Variants in ABCA13 observed in about 807,000 individuals in gnomAD.
The protein encoded by ABCA13 is ATP-binding cassette sub-family A member 13.
In ABCA13, 476 loss-of-function variants were observed where a neutral mutation model predicts 478.7. The ratio of observed to expected loss-of-function variants is 0.99; its 90% confidence interval spans 0.92 to 1.07. The LOEUF (loss-of-function observed/expected upper bound fraction) is 1.07, where lower values mean the gene tolerates loss of function less well. Among genes scored for constraint, ABCA13 ranks in the 50% least tolerant of loss-of-function variants. The pLI, the probability that ABCA13 is intolerant of heterozygous loss-of-function variation, is 0.00. For missense variants in ABCA13, 6,060 were observed against 5,910.6 expected, an observed-to-expected ratio of 1.03 and a Z score of -0.83; for synonymous variants, 2,252 against 2,158.9, an observed-to-expected ratio of 1.04 and a Z score of -1.20.
chr7:48,295,913 G>A (rs1440160428), intron 21 of ABCA13, 50 bp downstream of exon 21: 4 of 1,547,032 alleles, frequency 2.6e-6, no homozygotes, highest in African/African-American at 1.4e-5. Flanking sequence ...CATTCATAGA[G>A]AGGATGTCTA....
Position 48,372,317 on chromosome 7 carries a change from C to T in ABCA13, c.10953C>T (p.Phe3651=). Reference sequence around the variant, plus strand: ...CACACAGCAATACCTTTATTGTTTTCCTCTTTCTCTTGGATTTTGGGATGT... The same window carrying T: ...CACACAGCAATACCTTTATTGTTTTTCTCTTTCTCTTGGATTTTGGGATGT... ...IFAHSNTFIV[F]LFLLDFGMSV... is the part of the protein sequence containing the mutation. The change falls in exon 33 of 62, where the codon TTC becomes TTT. Residue 3651 remains phenylalanine (F), a synonymous_variant. Transcript: ENST00000435803. 1 of 1,613,836 alleles carries T rather than the reference C, an allele frequency of 6.2e-7. No individual in the cohort carries two copies.
intron 5 of ABCA13, among the ~76,000 whole-genome samples, chr7:48,223,083 A>G (rs1349586110): frequency 1.3e-5 from 2 of 152,188 alleles, no homozygotes; most frequent in Admixed American, 1.3e-4. Flanking sequence ...TGAGAGAAAG[A>G]GAAGAATCAA....
intron 23 of ABCA13, among the ~76,000 whole-genome samples, chr7:48,307,000 C>T (rs908341964): frequency 2.6e-5 from 4 of 152,078 alleles, no homozygotes; most frequent in Non-Finnish European, 2.9e-5. Flanking sequence ...CCAGGTAGTC[C>T]GCAGATGTGA....
chr7:48,611,058 T>G (rs537772526), intron 58 of ABCA13, among the ~76,000 whole-genome samples: 2 of 152,354 alleles, frequency 1.3e-5, no homozygotes, highest in East Asian at 3.9e-4. Context: ...AGAAAATGTG[T>G]TTTTCTTTTC....
At chr7:48,179,551 C>A (rs995453341) in intron 1 of ABCA13, among the ~76,000 whole-genome samples, 1 of 152,186 alleles carries the variant, frequency 6.6e-6, no homozygotes, top group Non-Finnish European at 1.5e-5. Context: ...GAAGTTGGAG[C>A]TCCTGGGAGA....
intron 51 of ABCA13, among the ~76,000 whole-genome samples, chr7:48,513,765 A>AT (rs528107134): frequency 6.6e-6 from 1 of 152,148 alleles, no homozygotes; most frequent in Non-Finnish European, 1.5e-5. Flanking sequence ...AGCCAATTTC[A>AT]TTTTTTTCTT....
intron 48 of ABCA13, among the ~76,000 whole-genome samples, chr7:48,495,046 A>G (rs1483510230): frequency 6.6e-6 from 1 of 152,236 alleles, no homozygotes; most frequent in African/African-American, 2.4e-5. Flanking sequence ...AATCGAACAC[A>G]AAACAAAACA....
intron 34 of ABCA13, among the ~76,000 whole-genome samples, 166 bp downstream of exon 34, chr7:48,374,582 T>G (rs1489850509): frequency 6.6e-6 from 1 of 152,180 alleles, no homozygotes; most frequent in Non-Finnish European, 1.5e-5. Context: ...CACTATCTGG[T>G]AGCACCAGTT....
chr7:48,435,001 T>C (rs1000850335), intron 42 of ABCA13, among the ~76,000 whole-genome samples: 2 of 151,906 alleles, frequency 1.3e-5, no homozygotes, highest in Admixed American at 6.6e-5. Flanking sequence ...CTCTTGGGAT[T>C]CTGTATGGAT....
chr7:48,456,643 C>T (rs935018458), intron 43 of ABCA13, among the ~76,000 whole-genome samples: 2 of 152,160 alleles, frequency 1.3e-5, no homozygotes, highest in African/African-American at 4.8e-5. Flanking sequence ...CTCTTTTACA[C>T]TCCATAATAT....
chr7:48,263,256 C>T (rs542234005), intron 15 of ABCA13, among the ~76,000 whole-genome samples: 79 of 152,014 alleles, frequency 5.2e-4, no homozygotes, highest in African/African-American at 1.9e-3. Context: ...ATGCATTCAT[C>T]ATTAGGTTAT....
At chr7:48,243,961 C>A (rs773108367) in intron 10 of ABCA13, among the ~76,000 whole-genome samples, 2 of 152,248 alleles carry the variant, frequency 1.3e-5, no homozygotes, top group Non-Finnish European at 2.9e-5. Flanking sequence ...CCTTGCTTCT[C>A]CCTCTCCCGT....
intron 42 of ABCA13, among the ~76,000 whole-genome samples, chr7:48,451,924 A>AT (rs1442060647): frequency 1.4e-4 from 22 of 152,356 alleles, no homozygotes; most frequent in African/African-American, 5.3e-4. Context: ...AATTGCACTC[A>AT]TAAGTCAAAG....
intron 24 of ABCA13, among the ~76,000 whole-genome samples, chr7:48,310,656 A>G (rs1406562211): frequency 6.6e-6 from 1 of 152,090 alleles, no homozygotes; most frequent in Non-Finnish European, 1.5e-5. Flanking sequence ...GCAGCACAGG[A>G]AGCCCAATCC....
intron 42 of ABCA13, among the ~76,000 whole-genome samples, chr7:48,437,671 T>C (rs1037011376): frequency 6.6e-6 from 1 of 152,100 alleles, no homozygotes; most frequent in Non-Finnish European, 1.5e-5. Context: ...TTTTTCTTTG[T>C]CTAAATAATC....
chr7:48,401,575 C>T (rs1817607169), intron 38 of ABCA13, among the ~76,000 whole-genome samples: 1 of 152,172 alleles, frequency 6.6e-6, no homozygotes, highest in African/African-American at 2.4e-5. Context: ...CTTCGTTGCT[C>T]TTTGATGCCC....
rs545275837 is a variant in ABCA13, at chr7:48,354,846, C to T, written c.10688+2359C>T. 9.2e-5 allele frequency among the ~76,000 whole-genome samples: 14 copies of T among 152,100 alleles called. 1 individual carries two copies. Among genetic ancestry groups the T allele is most frequent in the African/African-American group, 3.1e-4 (13 of 41,382 alleles). On this transcript the variant is annotated intron_variant, in intron 31 of 61. Transcript: ENST00000435803. The stretch of plus-strand genomic sequence containing the variant: ...GTCTGAGATCTCGAAAGAACTCAGT[C>T]ACTTGAGTAAAAATCCTAAAGCACA...
intron 58 of ABCA13, among the ~76,000 whole-genome samples, chr7:48,603,172 C>T (rs1400782725): frequency 6.6e-6 from 1 of 152,104 alleles, no homozygotes; most frequent in Non-Finnish European, 1.5e-5. Context: ...ATGTCAACTG[C>T]AAGCAGAGGC....
chr7:48,237,015 T>G (rs941677891), intron 8 of ABCA13, among the ~76,000 whole-genome samples: 22,578 of 83,966 alleles, frequency 0.27, 2,629 homozygotes, highest in African/African-American at 0.41. Context: ...GGGTAGGGTT[T>G]TTTTTTTTTT....
Sources: gnomAD v4.1 joint callset for allele counts (sites outside exome capture counted in the v4.1 genomes callset) on GRCh38, gnomAD v4.1.1 for gene constraint, MANE v1.5 for transcripts, NCBI Gene and HGNC (gene_info 2026-07-23, HGNC 2026-07-21) for gene names.